TENM3: variants seen among roughly 807,000 people sequenced by gnomAD.
TENM3 encodes the protein teneurin-3.
In TENM3, 63 loss-of-function variants were observed where a neutral mutation model predicts 255.1. The ratio of observed to expected loss-of-function variants is 0.25; its 90% CI spans 0.20 to 0.30. TENM3 has a LOEUF of 0.30. Ranked by LOEUF, TENM3 falls within the 10% of genes least tolerant of loss-of-function variation. TENM3 has a pLI of 1.00. For synonymous variants in TENM3, 1,306 were observed against 1,322.3 expected (o/e 0.99, Z 0.27); for missense variants, 2,929 against 3,461.1 (o/e 0.85, Z 3.86).
At chr4:182,096,129 C>A in the TENM3 span, among the ~76,000 whole-genome samples, 728 of 130,216 alleles carry the variant, frequency 5.6e-3, no homozygotes, top group Non-Finnish European at 6.4e-3. Context: ...GACCCTGTCT[C>A]AAAAAAAAAA....
chr4:182,744,938 C>G (rs544599287), intron 19 of TENM3, among the ~76,000 whole-genome samples: 2 of 150,600 alleles, frequency 1.3e-5, no homozygotes, highest in Non-Finnish European at 2.9e-5. Flanking sequence ...AAACTTTGCT[C>G]GGGATAGAAA....
chr4:182,647,824 A>G (rs1200553123), intron 5 of TENM3, among the ~76,000 whole-genome samples: 1 of 152,288 alleles, frequency 6.6e-6, no homozygotes, highest in East Asian at 1.9e-4. Flanking sequence ...AGTGTTTGCA[A>G]CAAAATGTTG....
the TENM3 span, among the ~76,000 whole-genome samples, chr4:182,014,389 A>G: frequency 1.3e-5 from 2 of 152,004 alleles, no homozygotes; most frequent in African/African-American, 2.4e-5. Context: ...CAAAACACCT[A>G]GACTAGACTT....
intron 3 of TENM3, among the ~76,000 whole-genome samples, chr4:182,384,296 G>A (rs544787735): frequency 7.0e-6 from 1 of 142,282 alleles, no homozygotes; most frequent in Non-Finnish European, 1.5e-5. Context: ...CTTTGAAAAT[G>A]TCTGCTGTGG....
At chr4:181,659,867 T>C in the TENM3 span, among the ~76,000 whole-genome samples, 9 of 152,218 alleles carry the variant, frequency 5.9e-5, no homozygotes, top group Admixed American at 5.9e-4. Flanking sequence ...TACAGTCTTA[T>C]TCATTGCTTC....
chr4:182,369,895 A>C (rs1766687804), intron 3 of TENM3, among the ~76,000 whole-genome samples: 1 of 151,546 alleles, frequency 6.6e-6, no homozygotes, highest in African/African-American at 2.4e-5. Context: ...GAAAGAAGGA[A>C]AGAAAGAAAA....
At chr4:181,913,167 AATAGTG>A in the TENM3 span, among the ~76,000 whole-genome samples, 11 of 152,210 alleles carry the variant, frequency 7.2e-5, no homozygotes, top group African/African-American at 2.7e-4. Context: ...GCGGGAATGA[AATAGTG>A]ATAAGGTTAA....
intron 3 of TENM3, among the ~76,000 whole-genome samples, chr4:182,532,120 C>T (rs534829692): frequency 1.1e-4 from 17 of 152,184 alleles, no homozygotes; most frequent in Non-Finnish European, 1.8e-4. Context: ...CTAACATATT[C>T]TAAATCATTT....
At chr4:182,072,272 G>T in the TENM3 span, among the ~76,000 whole-genome samples, 6 of 152,156 alleles carry the variant, frequency 3.9e-5, no homozygotes, top group Non-Finnish European at 7.3e-5. Flanking sequence ...CATAGACATT[G>T]TTCATGAAAT....
intron 5 of TENM3, among the ~76,000 whole-genome samples, chr4:182,638,187 T>C (rs893199319): frequency 1.2e-4 from 18 of 152,208 alleles, no homozygotes; most frequent in African/African-American, 4.3e-4. Flanking sequence ...TGTTTGTTCC[T>C]TTCTCTTAAT....
chr4:182,123,574 CACA>C, the TENM3 span, among the ~76,000 whole-genome samples: 1 of 152,146 alleles, frequency 6.6e-6, no homozygotes, highest in Non-Finnish European at 1.5e-5. Context: ...TCAGAACACA[CACA>C]ACATTTATTG....
At chr4:182,194,862 C>T (rs113308751) in intron 1 of TENM3, among the ~76,000 whole-genome samples, 6 of 152,112 alleles carry the variant, frequency 3.9e-5, no homozygotes, top group African/African-American at 7.2e-5. Context: ...AGCTCCTCAG[C>T]GACCTTTAAA....
chr4:181,646,431 C>T, the TENM3 span, among the ~76,000 whole-genome samples: 664 of 152,136 alleles, frequency 4.4e-3, 4 homozygotes, highest in African/African-American at 0.015. Context: ...GGTGTTTTGA[C>T]AGAGTTATGT....
intron 4 of TENM3, among the ~76,000 whole-genome samples, chr4:182,627,345 CA>C (rs1291588150): frequency 6.6e-6 from 1 of 152,164 alleles, no homozygotes; most frequent in East Asian, 1.9e-4. Flanking sequence ...TCGCCAGGGA[CA>C]CATACCTACT....
chr4:182,407,292 C>T (rs1372932149), intron 3 of TENM3, among the ~76,000 whole-genome samples: 1 of 152,120 alleles, frequency 6.6e-6, no homozygotes, highest in African/African-American at 2.4e-5. Flanking sequence ...GCATCTTACC[C>T]TTTTGGGTTG....
At chr4:181,456,695 A>C in the TENM3 span, among the ~76,000 whole-genome samples, 4 of 151,860 alleles carry the variant, frequency 2.6e-5, no homozygotes, top group Non-Finnish European at 5.9e-5. Context: ...AAATTATAGA[A>C]TTTTTAGAGG....
the TENM3 span, among the ~76,000 whole-genome samples, chr4:181,586,352 C>T: frequency 6.6e-6 from 1 of 152,166 alleles, no homozygotes; most frequent in Non-Finnish European, 1.5e-5. Context: ...ATCCTGGTAG[C>T]TTCCTTCTCT....
the TENM3 span, among the ~76,000 whole-genome samples, chr4:181,683,770 A>G: frequency 6.6e-6 from 1 of 152,132 alleles, no homozygotes; most frequent in Non-Finnish European, 1.5e-5. Flanking sequence ...TGAAATCTGT[A>G]CTACCCGATG....
chr4:182,721,552 G>C (rs528214261), intron 13 of TENM3, among the ~76,000 whole-genome samples: 1 of 152,232 alleles, frequency 6.6e-6, no homozygotes, highest in Non-Finnish European at 1.5e-5. Context: ...GTGTGTGTGA[G>C]TGTGTATCTG....
Sources: gnomAD v4.1 joint callset for allele counts (sites outside exome capture counted in the v4.1 genomes callset) on GRCh38, gnomAD v4.1.1 for gene constraint, MANE v1.5 for transcripts, NCBI Gene and HGNC (gene_info 2026-07-23, HGNC 2026-07-21) for gene names.